ESRRB: variants seen among roughly 807,000 people sequenced by gnomAD.
The protein encoded by ESRRB is steroid hormone receptor ERR2.
Under a neutral mutation model 46.0 loss-of-function variants are expected in ESRRB, and 16 were observed. The ratio of observed to expected loss-of-function variants is 0.35; its 90% confidence interval spans 0.24 to 0.53. The LOEUF (loss-of-function observed/expected upper bound fraction) is 0.53, where lower values mean the gene tolerates loss of function less well. Among genes scored for constraint, ESRRB ranks in the 20% least tolerant of loss-of-function variants. The pLI is 0.93. For missense variants in ESRRB, 488 were observed against 607.4 expected (o/e 0.80, Z 2.07); for synonymous variants, 246 against 259.6 (o/e 0.95, Z 0.50).
At chr14:76,370,030 C>T (rs1884582937), upstream of ESRRB, among the ~76,000 whole-genome samples, 1 of 152,144 alleles carries the variant, frequency 6.6e-6, no homozygotes. Flanking sequence ...ACTTTTTCTT[C>T]TACCAGTGAT....
Position 76,440,059 on chromosome 14 carries a change from T to A in ESRRB, c.460+309T>A, listed in dbSNP as rs1164804953. Reference sequence around the variant, plus strand: ...CTTCTCACTGGTATGGAGTACACTGTCAAATGTGTGTCCCTCAAAAAGTTT... The same window carrying A: ...CTTCTCACTGGTATGGAGTACACTGACAAATGTGTGTCCCTCAAAAAGTTT... On this transcript the variant is annotated intron_variant, in intron 2 of 6. Coordinates refer to ENST00000644823, the MANE Select transcript of ESRRB (RefSeq NM_001379180.1). Among the ~76,000 whole-genome samples, 6 of 152,260 alleles carry A rather than the reference T, an allele frequency of 3.9e-5. No homozygotes were observed. The East Asian group carries it at 1.2e-3, about 29-fold the overall frequency.
chr14:76,334,654 G>C (rs527755773), intron 1 of ESRRB, among the ~76,000 whole-genome samples: 1 of 152,192 alleles, frequency 6.6e-6, no homozygotes, highest in Non-Finnish European at 1.5e-5. Context: ...GTGGGGAGGG[G>C]TGGCTGGCCC....
intron 1 of ESRRB, among the ~76,000 whole-genome samples, chr14:76,354,167 A>G (rs1224172996): frequency 2.0e-5 from 3 of 149,164 alleles, no homozygotes; most frequent in Non-Finnish European, 3.0e-5. Flanking sequence ...ACCCCCGGGA[A>G]ATCTGCTTGG....
intron 6 of ESRRB, among the ~76,000 whole-genome samples, chr14:76,496,510 A>ATT (rs1890436393): frequency 6.6e-6 from 1 of 152,170 alleles, no homozygotes; most frequent in Admixed American, 6.5e-5. Context: ...CTGGGGTCAG[A>ATT]CCAGAAGCTC....
At chr14:76,417,005 C>T (rs369309001) in intron 1 of ESRRB, among the ~76,000 whole-genome samples, 48 of 152,102 alleles carry the variant, frequency 3.2e-4, no homozygotes, top group Middle Eastern at 6.8e-3. Flanking sequence ...GGCATGGTGG[C>T]GGGCACCTGT....
chr14:76,455,355 A>G (rs955969646), intron 2 of ESRRB, among the ~76,000 whole-genome samples: 4 of 152,138 alleles, frequency 2.6e-5, no homozygotes, highest in Admixed American at 2.0e-4. Context: ...TCTTATAGCT[A>G]TATTTGCTGA....
At chr14:76,480,518 G>A (rs182956310) in intron 3 of ESRRB, among the ~76,000 whole-genome samples, 158 of 152,352 alleles carry the variant, frequency 1.0e-3, no homozygotes, top group Admixed American at 3.4e-3. Flanking sequence ...CTCAGGGACT[G>A]AAATTTAGTA....
chr14:76,455,789 A>C (rs1595135885), intron 2 of ESRRB, among the ~76,000 whole-genome samples: 1 of 152,276 alleles, frequency 6.6e-6, no homozygotes, highest in East Asian at 1.9e-4. Context: ...CATGCCTGGA[A>C]TCCCAGCACT....
At chr14:76,369,740 G>A (rs1362310139), upstream of ESRRB, among the ~76,000 whole-genome samples, 1 of 152,148 alleles carries the variant, frequency 6.6e-6, no homozygotes. Context: ...ACCTTTGAAT[G>A]TCCCCAATGT....
intron 3 of ESRRB, among the ~76,000 whole-genome samples, chr14:76,466,763 C>T (rs1166084740): frequency 1.3e-5 from 2 of 151,546 alleles, no homozygotes; most frequent in African/African-American, 2.4e-5. Context: ...CTCACTCTGT[C>T]GCCAGGCTGG....
At position 76,386,021 on chromosome 14, in the gene ESRRB, G is replaced by T. The variant is rs567354399; in HGVS notation, c.50+9570G>T. ...TTAATTTTTTGATGTTATCTTTGGG[G>T]CATTACTTTTTATTCCTTTGACATA... On this transcript the variant is annotated intron_variant, in intron 1 of 6. Coordinates refer to ENST00000644823, the MANE Select transcript of ESRRB (RefSeq NM_001379180.1). Among the ~76,000 whole-genome samples the T allele has an allele frequency of 2.0e-4, 31 of 152,276 alleles. 1 individual carries two copies. The South Asian group carries it at 5.8e-3, about 29-fold the overall frequency.
upstream of ESRRB, among the ~76,000 whole-genome samples, chr14:76,375,007 T>A (rs953960693): frequency 6.6e-6 from 1 of 152,164 alleles, no homozygotes; most frequent in Non-Finnish European, 1.5e-5. Context: ...GCTTGAACAT[T>A]GCCTGCAGTT....
chr14:76,463,445 G>GTTTTGTTTTTTTTTTTTTTTTTTT (rs1555342250), intron 3 of ESRRB: 6 of 114,738 alleles, frequency 5.2e-5, no homozygotes, highest in African/African-American at 2.2e-4. Context: ...ATGCTTCTTT[G>GTTTTGTTTTTTTTTTTTTTTTTTT]TTTTTTTTTT....
intron 1 of ESRRB, among the ~76,000 whole-genome samples, chr14:76,426,841 G>A (rs957426711): frequency 6.6e-6 from 1 of 152,070 alleles, no homozygotes; most frequent in African/African-American, 2.4e-5. Flanking sequence ...GACCAGTCTG[G>A]GCAACATGGG....
intron 1 of ESRRB, among the ~76,000 whole-genome samples, chr14:76,394,179 G>A (rs1885582890): frequency 6.6e-6 from 1 of 152,014 alleles, no homozygotes; most frequent in Non-Finnish European, 1.5e-5. Context: ...CCTGTGTCAG[G>A]TAGACTTGGC....
intron 1 of ESRRB, among the ~76,000 whole-genome samples, chr14:76,382,823 G>T (rs1261634689): frequency 6.6e-6 from 1 of 151,826 alleles, no homozygotes; most frequent in Admixed American, 6.6e-5. Flanking sequence ...TACACATTTT[G>T]GTCTGAAAGT....
intron 6 of ESRRB, among the ~76,000 whole-genome samples, chr14:76,496,729 C>T (rs1890445359): frequency 6.6e-6 from 1 of 152,194 alleles, no homozygotes; most frequent in Non-Finnish European, 1.5e-5. Flanking sequence ...ACTGCTGAGG[C>T]TCAGTGCACG....
intron 1 of ESRRB, among the ~76,000 whole-genome samples, chr14:76,336,194 C>T (rs1349957320): frequency 6.6e-6 from 1 of 152,188 alleles, no homozygotes; most frequent in Non-Finnish European, 1.5e-5. Flanking sequence ...CCAGGTAGGT[C>T]CAGGCTGTCC....
At chr14:76,313,829 G>A (rs1219682828) in intron 1 of ESRRB, among the ~76,000 whole-genome samples, 8 of 151,216 alleles carry the variant, frequency 5.3e-5, no homozygotes, top group Non-Finnish European at 1.2e-4. Flanking sequence ...CCCCCTTTTC[G>A]CCTTTCTTGA....
Sources: allele counts gnomAD v4.1 joint callset (sites outside exome capture counted in the v4.1 genomes callset), GRCh38; gene constraint gnomAD v4.1.1; transcripts MANE v1.5; gene names NCBI Gene and HGNC (gene_info 2026-07-23, HGNC 2026-07-21).